MTUS2: variants seen among roughly 807,000 people sequenced by gnomAD.
The protein encoded by MTUS2 is microtubule-associated tumor suppressor candidate 2.
A neutral mutation model predicts 114.1 loss-of-function variants in MTUS2; 40 were observed. The ratio of observed to expected loss-of-function variants is 0.35; its 90% confidence interval spans 0.27 to 0.46. The LOEUF (loss-of-function observed/expected upper bound fraction) is 0.46. Ranked by LOEUF, MTUS2 falls within the 20% of genes least tolerant of loss-of-function variation. The pLI, the probability that MTUS2 is intolerant of heterozygous loss-of-function variation, is 1.00. For synonymous variants in MTUS2, 688 were observed against 672.0 expected (o/e 1.02, Z -0.37); for missense variants, 1,679 against 1,705.4 (o/e 0.98, Z 0.27).
In MTUS2 at chr13:29,052,097, C is replaced by T. The variant is rs74689875; in HGVS notation, c.2446+17972C>T. ...GTCACAAAAAAGTCTATTAACTTCA[C>T]AAGTAATTGATACTTTAATTTTATT... is the stretch of plus-strand genomic sequence containing the variant. On this transcript the variant is annotated intron_variant, in intron 4 of 15. Transcript: ENST00000612955. Among the ~76,000 whole-genome samples the T allele has an allele frequency of 6.6e-3, 999 of 152,326 alleles. 15 individuals carry two copies. Among genetic ancestry groups the T allele is most frequent in the African/African-American group, 0.023 (940 of 41,570 alleles).
intron 8 of MTUS2, among the ~76,000 whole-genome samples, chr13:29,389,613 ATG>A (rs370095400): frequency 0.29 from 25,886 of 90,118 alleles, 5,145 homozygotes; most frequent in Non-Finnish European, 0.37. Flanking sequence ...ACGTATACAT[ATG>A]TGTGTATATA....
intron 6 of MTUS2, among the ~76,000 whole-genome samples, chr13:29,284,319 C>T (rs759320334): frequency 6.0e-5 from 9 of 150,822 alleles, no homozygotes; most frequent in Non-Finnish European, 7.4e-5. Flanking sequence ...AAAATGTAGT[C>T]GACTATGTTT....
intron 5 of MTUS2, among the ~76,000 whole-genome samples, chr13:29,252,295 C>T (rs1272749147): frequency 6.6e-6 from 1 of 152,108 alleles, no homozygotes; most frequent in Non-Finnish European, 1.5e-5. Context: ...AATACTCGTT[C>T]CCGTGGACTT....
intron 2 of MTUS2, among the ~76,000 whole-genome samples, chr13:28,987,849 T>A (rs1436683848): frequency 6.6e-6 from 1 of 152,208 alleles, no homozygotes; most frequent in Non-Finnish European, 1.5e-5. Flanking sequence ...GTTAAAATGG[T>A]ACAATTTTTG....
At chr13:29,119,753 C>T (rs1891232124) in intron 5 of MTUS2, among the ~76,000 whole-genome samples, 1 of 152,016 alleles carries the variant, frequency 6.6e-6, no homozygotes, top group Non-Finnish European at 1.5e-5. Flanking sequence ...TGGATGGTGC[C>T]CATCCACATT....
chr13:28,841,984 C>T (rs1166740089), intron 2 of MTUS2, among the ~76,000 whole-genome samples: 2 of 152,202 alleles, frequency 1.3e-5, no homozygotes, highest in African/African-American at 4.8e-5. Context: ...CGCGCCCGGC[C>T]AAAGTTTGTT....
At chr13:29,282,659 G>A (rs1271777920) in intron 6 of MTUS2, among the ~76,000 whole-genome samples, 1 of 152,086 alleles carries the variant, frequency 6.6e-6, no homozygotes, top group Non-Finnish European at 1.5e-5. Context: ...AATGAATGTT[G>A]AGCCCTAATT....
intron 11 of MTUS2, 98 bp from the exon 12 acceptor site, chr13:29,492,545 TTTA>T: frequency 1.1e-6 from 1 of 878,376 alleles, no homozygotes; most frequent in Non-Finnish European, 1.8e-6. Context: ...ACGGGAGTCA[TTTA>T]TTTACCTGAA....
At chr13:29,422,313 C>T (rs1413248735) in intron 8 of MTUS2, among the ~76,000 whole-genome samples, 3 of 152,168 alleles carry the variant, frequency 2.0e-5, no homozygotes, top group Non-Finnish European at 2.9e-5. Context: ...GCCTCATTTA[C>T]TCATCTGTAA....
At chr13:29,142,645 G>A (rs183813205) in intron 5 of MTUS2, among the ~76,000 whole-genome samples, 83 of 152,284 alleles carry the variant, frequency 5.5e-4, no homozygotes, top group African/African-American at 1.4e-3. Context: ...TGCAGAGGTC[G>A]CAGTGAGCCA....
rs184550351 is a variant in MTUS2, at chr13:29,133,356, A to T, written c.2644+32386A>T. Among the ~76,000 whole-genome samples the T allele has an allele frequency of 2.8e-3, 419 of 152,234 alleles. 2 individuals carry two copies. Among genetic ancestry groups the T allele is most frequent in the African/African-American group, 9.6e-3 (399 of 41,534 alleles). ...AATGGTTTTTGATATACAAATTTTT[A>T]AAATTTTCAGAAGTCCTCAGATTTT... On this transcript the variant is annotated intron_variant, in intron 5 of 15. Transcript: ENST00000612955.
intron 2 of MTUS2, among the ~76,000 whole-genome samples, chr13:28,862,364 A>G (rs1361128347): frequency 6.6e-6 from 1 of 152,186 alleles, no homozygotes; most frequent in Non-Finnish European, 1.5e-5. Context: ...TAATCCTAGC[A>G]CTTTGGAAGG....
chr13:28,828,601 CATGGCTTCAGCCGGTCCCTCCG>C, intron 1 of MTUS2, among the ~76,000 whole-genome samples: 1 of 152,202 alleles, frequency 6.6e-6, no homozygotes, highest in African/African-American at 2.4e-5. Context: ...GTTCTTCTGC[CATGGCTTCAGCCGGTCCCTCCG>C]TTCGGGGTCC....
intron 8 of MTUS2, among the ~76,000 whole-genome samples, chr13:29,430,978 C>CCTTAACCTA (rs1050690535): frequency 5.9e-5 from 9 of 152,116 alleles, no homozygotes; most frequent in Non-Finnish European, 1.0e-4. Flanking sequence ...GCTTAATAAA[C>CCTTAACCTA]GTTAAAACAA....
intron 2 of MTUS2, among the ~76,000 whole-genome samples, chr13:28,930,382 TG>T (rs1881551856): frequency 6.6e-6 from 1 of 152,182 alleles, no homozygotes; most frequent in Admixed American, 6.5e-5. Flanking sequence ...TGCTTATCTC[TG>T]GGTCGGCTTG....
At chr13:28,959,552 A>G (rs1575305) in intron 2 of MTUS2, among the ~76,000 whole-genome samples, 133,997 of 151,976 alleles carry the variant, frequency 0.88, 59,244 homozygotes, top group East Asian at 1. Flanking sequence ...TAGTGTCAGC[A>G]TCTGCTTTTG....
rs576161804 is a variant in MTUS2 at position 29,077,077 on chromosome 13, A to G, written c.2447-23696A>G. 7.9e-5 allele frequency among the ~76,000 whole-genome samples: 12 copies of G among 152,320 alleles called. No individual in the cohort carries two copies. In the East Asian group the frequency reaches 2.3e-3, roughly 29 times the overall value. ...GAGTTTGAGTCTTTCTTGAGATTAT[A>G]CACTTGCTAGTAATTATACAAAATG... On this transcript the variant is annotated intron_variant, in intron 4 of 15. Transcript: ENST00000612955.
chr13:29,020,710 T>C (rs920158343), intron 2 of MTUS2, among the ~76,000 whole-genome samples: 1 of 152,210 alleles, frequency 6.6e-6, no homozygotes, highest in Non-Finnish European at 1.5e-5. Flanking sequence ...TCCTGTGTGG[T>C]GTATGATTCC....
intron 3 of MTUS2, among the ~76,000 whole-genome samples, chr13:29,028,520 C>G (rs1447642311): frequency 6.6e-6 from 1 of 151,818 alleles, no homozygotes; most frequent in African/African-American, 2.4e-5. Context: ...CCCTTTCTCA[C>G]TCTGCTGCTT....
Sources: gnomAD v4.1 joint callset for allele counts (sites outside exome capture counted in the v4.1 genomes callset) on GRCh38, gnomAD v4.1.1 for gene constraint, MANE v1.5 for transcripts, NCBI Gene and HGNC (gene_info 2026-07-23, HGNC 2026-07-21) for gene names.